TCF7L2: variants seen among roughly 807,000 people sequenced by gnomAD.
TCF7L2 encodes the protein transcription factor 7-like 2.
Under a neutral mutation model 77.9 loss-of-function variants are expected in TCF7L2, and 23 were observed. The observed-to-expected ratio is 0.30, with a 90% CI of 0.21 to 0.42. TCF7L2 has a LOEUF of 0.42. Ranked by LOEUF, TCF7L2 falls within the 10% of genes least tolerant of loss-of-function variation. The pLI, the probability that TCF7L2 is intolerant of heterozygous loss-of-function variation, is 1.00. For missense variants in TCF7L2, 654 were observed against 793.1 expected (o/e 0.82, Z 2.11); for synonymous variants, 413 against 340.2 (o/e 1.21, Z -2.36).
chr10:113,097,439 G>C (rs533528641), intron 5 of TCF7L2, among the ~76,000 whole-genome samples: 9 of 152,164 alleles, frequency 5.9e-5, no homozygotes, highest in Non-Finnish European at 1.3e-4. Flanking sequence ...AATCACCTGA[G>C]GTCAGGAGTT....
At chr10:112,962,765 A>G (rs1334156854) in intron 3 of TCF7L2, among the ~76,000 whole-genome samples, 3 of 151,984 alleles carry the variant, frequency 2.0e-5, no homozygotes, top group Admixed American at 2.0e-4. Context: ...CGCCTGGCTA[A>G]TTTTTGTATT....
intron 4 of TCF7L2, among the ~76,000 whole-genome samples, chr10:113,026,615 A>G (rs976479504): frequency 3.9e-5 from 6 of 152,226 alleles, no homozygotes; most frequent in African/African-American, 1.4e-4. Flanking sequence ...TCTGCTACCA[A>G]GCCATTTCTT....
intron 4 of TCF7L2, among the ~76,000 whole-genome samples, chr10:113,001,965 G>A (rs571015160): frequency 2.6e-5 from 4 of 152,312 alleles, no homozygotes; most frequent in South Asian, 2.1e-4. Context: ...GCTACGAGAC[G>A]TGAGGCAAAT....
chr10:113,080,478 A>G (rs1484002729), intron 5 of TCF7L2, among the ~76,000 whole-genome samples: 1 of 152,190 alleles, frequency 6.6e-6, no homozygotes, highest in Non-Finnish European at 1.5e-5. Flanking sequence ...CAAGGTTGCC[A>G]GCGAATGGGG....
chr10:113,020,764 G>A lies in TCF7L2; in HGVS notation c.451-19261G>A, dbSNP rs570830716. Among the ~76,000 whole-genome samples the A allele has an allele frequency of 3.3e-5, 5 of 152,258 alleles. No homozygotes were observed. The East Asian group carries it at 9.6e-4, about 29-fold the overall frequency. ...ACCAGGGCTTGTTTTGGGAGGTAGA[G>A]GGGGTGTGAGGGGGACAGAGGGGAG... On this transcript the variant is annotated intron_variant, in intron 4 of 13. Transcript: ENST00000627217.
chr10:113,121,139 A>G (rs1291396812), intron 5 of TCF7L2, among the ~76,000 whole-genome samples: 1 of 152,220 alleles, frequency 6.6e-6, no homozygotes, highest in Non-Finnish European at 1.5e-5. Context: ...GAAGGGTAAT[A>G]TGATTGGAGA....
intron 5 of TCF7L2, among the ~76,000 whole-genome samples, chr10:113,047,618 A>T (rs1416128917): frequency 6.6e-6 from 1 of 152,222 alleles, no homozygotes; most frequent in Non-Finnish European, 1.5e-5. Flanking sequence ...TTACTCTTAT[A>T]ACCTCACATT....
intron 8 of TCF7L2, among the ~76,000 whole-genome samples, chr10:113,148,590 A>G (rs969375816): frequency 7.2e-5 from 11 of 152,232 alleles, no homozygotes; most frequent in Non-Finnish European, 1.3e-4. Context: ...AGCCCCTGAG[A>G]CAGCCAGAAA....
chr10:113,085,091 A>C (rs1305545841), intron 5 of TCF7L2, among the ~76,000 whole-genome samples: 1 of 151,710 alleles, frequency 6.6e-6, no homozygotes, highest in African/African-American at 2.4e-5. Context: ...TTTTTTATTC[A>C]GGTTTCCCTC....
chr10:113,089,217 G>A (rs1223810480), intron 5 of TCF7L2, among the ~76,000 whole-genome samples: 1 of 152,186 alleles, frequency 6.6e-6, no homozygotes, highest in African/African-American at 2.4e-5. Context: ...AAGGGACCCT[G>A]AGCTGGATGG....
intron 5 of TCF7L2, among the ~76,000 whole-genome samples, chr10:113,065,790 A>G (rs2057167575): frequency 6.6e-6 from 1 of 152,196 alleles, no homozygotes; most frequent in Non-Finnish European, 1.5e-5. Flanking sequence ...TAGTTAGGAA[A>G]AAGATGTTGT....
intron 5 of TCF7L2, among the ~76,000 whole-genome samples, chr10:113,138,047 G>A (rs542130130): frequency 3.9e-5 from 6 of 152,324 alleles, no homozygotes; most frequent in Admixed American, 2.0e-4. Flanking sequence ...ATTAGTCCCT[G>A]GTTTTGGCAG....
chr10:113,052,225 C>T (rs2054599236), intron 5 of TCF7L2, among the ~76,000 whole-genome samples: 1 of 152,252 alleles, frequency 6.6e-6, no homozygotes, highest in Admixed American at 6.5e-5. Flanking sequence ...TGTACTTGGA[C>T]CTGCAGGCTG....
At chr10:113,100,120 T>G in intron 5 of TCF7L2, among the ~76,000 whole-genome samples, 1 of 152,162 alleles carries the variant, frequency 6.6e-6, no homozygotes, top group East Asian at 1.9e-4. Context: ...TCCCATTGTC[T>G]GGCAACAGGT....
intron 5 of TCF7L2, among the ~76,000 whole-genome samples, chr10:113,102,740 ACTT>A (rs941669037): frequency 1.3e-5 from 2 of 151,992 alleles, no homozygotes; most frequent in African/African-American, 4.8e-5. Context: ...TTTTTAATTC[ACTT>A]CTTTGATTTG....
chr10:113,075,693 G>A (rs4277044), intron 5 of TCF7L2, among the ~76,000 whole-genome samples: 61,651 of 152,024 alleles, frequency 0.41, 14,008 homozygotes, highest in African/African-American at 0.6. Context: ...ATAGCTCCCT[G>A]TGAGCTGAAT....
rs149009487 is a variant in TCF7L2 at position 113,044,163 on chromosome 10, C to T, written c.552+4037C>T. On this transcript the variant is annotated intron_variant, in intron 5 of 13. Coordinates refer to ENST00000627217, the MANE Select transcript of TCF7L2 (RefSeq NM_001146274.2). Reference sequence around the variant, plus strand: ...TGGGATAAGAAAGCAGACTGAATCCCGAGGAACAAAGCCTGCCAGACTGTG... The same window carrying T: ...TGGGATAAGAAAGCAGACTGAATCCTGAGGAACAAAGCCTGCCAGACTGTG... 2.1e-4 allele frequency among the ~76,000 whole-genome samples: 32 copies of T among 152,152 alleles called. 1 individual carries two copies. In the East Asian group the frequency reaches 5.8e-3, roughly 28 times the overall value.
chr10:113,125,810 A>G (rs2065494259), intron 5 of TCF7L2: 1 of 152,182 alleles, frequency 6.6e-6, no homozygotes, highest in Admixed American at 6.5e-5. Context: ...AAAGGGAAAA[A>G]AGTTCTGAAG....
At chr10:113,142,497 C>T (rs969288474) in intron 6 of TCF7L2, among the ~76,000 whole-genome samples, 2 of 152,196 alleles carry the variant, frequency 1.3e-5, no homozygotes, top group African/African-American at 4.8e-5. Flanking sequence ...ATTTCCCCTT[C>T]CTAGCTCAGT....
Sources: gnomAD v4.1 joint callset for allele counts (sites outside exome capture counted in the v4.1 genomes callset) on GRCh38, gnomAD v4.1.1 for gene constraint, MANE v1.5 for transcripts, NCBI Gene and HGNC (gene_info 2026-07-23, HGNC 2026-07-21) for gene names.